Variants in NCAM1 observed in about 807,000 individuals in gnomAD.
NCAM1 encodes antigen recognized by monoclonal antibody 5.1H11.
Under a neutral mutation model 109.8 loss-of-function variants are expected in NCAM1, and 14 were observed. The observed-to-expected ratio is 0.13, with a 90% CI of 0.08 to 0.20. The LOEUF (loss-of-function observed/expected upper bound fraction) is 0.20. NCAM1 is among the 10% of genes least tolerant of loss of function. The pLI, the probability that NCAM1 is intolerant of heterozygous loss-of-function variation, is 1.00. For synonymous variants in NCAM1, 418 were observed against 442.9 expected (o/e 0.94, Z 0.70); for missense variants, 774 against 1,109.9 (o/e 0.70, Z 4.30).
chr11:113,117,374 T>A lies in NCAM1; in HGVS notation c.53-85005T>A, dbSNP rs145705808. ...TGCCTTCAGGTAAGTTACACTGTTG[T>A]TAGTGAACAACGCCTTCCCCTCTTC... On this transcript the variant is annotated intron_variant, in intron 1 of 19. Coordinates refer to ENST00000316851, the MANE Select transcript of NCAM1 (RefSeq NM_181351.5). Among the ~76,000 whole-genome samples, 110 of 152,078 alleles carry A rather than the reference T, an allele frequency of 7.2e-4. No individual in the cohort carries two copies. In the East Asian group the frequency reaches 0.02, roughly 28 times the overall value.
chr11:113,164,118 C>T (rs1223757390), intron 1 of NCAM1, among the ~76,000 whole-genome samples: 3 of 152,160 alleles, frequency 2.0e-5, no homozygotes, highest in Non-Finnish European at 4.4e-5. Flanking sequence ...GCATTTAGCG[C>T]TGTACTCTGA....
intron 1 of NCAM1, among the ~76,000 whole-genome samples, chr11:113,087,954 G>C (rs782278503): frequency 3.3e-5 from 5 of 152,156 alleles, no homozygotes; most frequent in Non-Finnish European, 7.4e-5. Flanking sequence ...CCAGTGCAGT[G>C]TTCTTTTCAG....
At chr11:113,267,098 C>T (rs1397955630) in intron 17 of NCAM1, among the ~76,000 whole-genome samples, 2 of 152,232 alleles carry the variant, frequency 1.3e-5, no homozygotes, top group Non-Finnish European at 2.9e-5. Flanking sequence ...CTAAAATCTG[C>T]CACCACCATA....
At chr11:113,096,739 G>A (rs1414803624) in intron 1 of NCAM1, among the ~76,000 whole-genome samples, 1 of 151,952 alleles carries the variant, frequency 6.6e-6, no homozygotes, top group African/African-American at 2.4e-5. Flanking sequence ...CCTGAGCCTG[G>A]GGTTCAGAGC....
At position 113,276,208 on chromosome 11, in the gene NCAM1, G is replaced by A. The variant is rs1946397461; in HGVS notation, c.*821G>A. The A allele has an allele frequency of 6.6e-6, 1 of 152,552 alleles. No homozygotes were observed. Among genetic ancestry groups the A allele is most frequent in the African/African-American group, 2.4e-5 (1 of 41,418 alleles). 9.4% of individuals were successfully genotyped at this position (152,552 alleles called of 1,614,324 possible). On this transcript the variant is annotated 3_prime_UTR_variant, in exon 20 of 20. Coordinates refer to ENST00000316851, the MANE Select transcript of NCAM1 (RefSeq NM_181351.5). Reference sequence around the variant, plus strand: ...AGGTAACAAATACCACCTAGAGGTAGGTAGGATCATCCCACGCTTGCTTTA... The same window carrying A: ...AGGTAACAAATACCACCTAGAGGTAAGTAGGATCATCCCACGCTTGCTTTA...
At chr11:112,988,928 A>G (rs1565366986) in intron 1 of NCAM1, among the ~76,000 whole-genome samples, 1 of 151,918 alleles carries the variant, frequency 6.6e-6, no homozygotes, top group Admixed American at 6.6e-5. Flanking sequence ...TTATATTTTT[A>G]GTAGAGACAG....
Position 113,208,091 on chromosome 11 carries a change from C to A in NCAM1, c.916+89C>A, listed in dbSNP as rs112819378. ...CCATCAGTAAGACCCTGGCCACTGTCCCTCAGAACATAACCCAATGCAACC... is the reference window on the plus strand; with the variant it reads ...CCATCAGTAAGACCCTGGCCACTGTACCTCAGAACATAACCCAATGCAACC... On this transcript the variant is annotated intron_variant, in intron 7 of 19. Coordinates refer to ENST00000316851, the MANE Select transcript of NCAM1 (RefSeq NM_181351.5). 3,139 of 1,408,332 alleles carry A rather than the reference C, an allele frequency of 2.2e-3. 7 individuals are homozygous for A. Among genetic ancestry groups the A allele is most frequent in the Non-Finnish European group, 2.3e-3 (2,348 of 1,035,588 alleles). The allele number at this position is 1,408,332 out of a possible 1,614,324, so 87.2% of individuals were successfully genotyped here. A position where few individuals can be genotyped will look rare whatever the true frequency, so the allele number is the denominator to read the frequency against.
At chr11:113,045,529 G>A (rs1022842520) in intron 1 of NCAM1, among the ~76,000 whole-genome samples, 13 of 152,190 alleles carry the variant, frequency 8.5e-5, no homozygotes, top group African/African-American at 3.1e-4. Flanking sequence ...CGAGCTTGCC[G>A]TGGGATCACG....
chr11:113,056,013 ATATATATATAT>A (rs1555082517), intron 1 of NCAM1, among the ~76,000 whole-genome samples: 40 of 115,542 alleles, frequency 3.5e-4, no homozygotes, highest in African/African-American at 1.2e-3. Context: ...ATATATATAT[ATATATATATAT>A]AAAATATATA....
intron 16 of NCAM1, among the ~76,000 whole-genome samples, chr11:113,259,010 G>A (rs1945904915): frequency 6.6e-6 from 1 of 151,742 alleles, no homozygotes; most frequent in African/African-American, 2.4e-5. Flanking sequence ...AGCTTTTGTA[G>A]TGCCTAGCTC....
chr11:113,251,988 T>C (rs782304607), intron 15 of NCAM1, among the ~76,000 whole-genome samples: 3 of 152,232 alleles, frequency 2.0e-5, no homozygotes, highest in African/African-American at 4.8e-5. Flanking sequence ...TTGCTGACAG[T>C]GAACACTGGA....
In NCAM1 at chr11:113,159,157, C is replaced by T. The variant is rs117126469; in HGVS notation, c.53-43222C>T. On this transcript the variant is annotated intron_variant, in intron 1 of 19. Transcript: ENST00000316851. ...CACAAGATTAATCATCTAATATCAT[C>T]GATAGCTTGTTGCAGCTTATTTGTA... Among the ~76,000 whole-genome samples, 147 of 152,114 alleles carry T rather than the reference C, an allele frequency of 9.7e-4. 4 individuals are homozygous for T. In the East Asian group the frequency reaches 0.026, roughly 27 times the overall value.
intron 1 of NCAM1, among the ~76,000 whole-genome samples, chr11:113,067,613 T>G (rs1178926272): frequency 2.0e-5 from 3 of 152,244 alleles, no homozygotes; most frequent in African/African-American, 7.2e-5. Flanking sequence ...GTGATGCAAC[T>G]AGCTCACTAG....
chr11:113,235,609 A>T (rs1384268816), intron 14 of NCAM1, among the ~76,000 whole-genome samples: 1 of 152,222 alleles, frequency 6.6e-6, no homozygotes, highest in African/African-American at 2.4e-5. Context: ...CAGAGATATT[A>T]AGTCAGAGAC....
At position 113,271,742 on chromosome 11, in the gene NCAM1, G is replaced by C. The variant is rs782119033; in HGVS notation, c.2340-18G>C. On this transcript the variant is annotated intron_variant, in intron 18 of 19. Coordinates refer to ENST00000316851, the MANE Select transcript of NCAM1 (RefSeq NM_181351.5). ...CTGCAGCTGCCCTAGGGTCTAACCAGCAGTACTGTCTCCACAGGAAAGATG... is the reference window on the plus strand; with the variant it reads ...CTGCAGCTGCCCTAGGGTCTAACCACCAGTACTGTCTCCACAGGAAAGATG... 6.5e-7 allele frequency: 1 copy of C among 1,545,322 alleles called. No homozygotes were observed.
intron 1 of NCAM1, among the ~76,000 whole-genome samples, chr11:113,034,664 A>G (rs1952813115): frequency 6.6e-6 from 1 of 152,162 alleles, no homozygotes; most frequent in Non-Finnish European, 1.5e-5. Flanking sequence ...GTAGGATCGT[A>G]CAGAAGATGA....
chr11:113,042,844 A>T (rs1555080175), intron 1 of NCAM1, among the ~76,000 whole-genome samples: 1 of 152,032 alleles, frequency 6.6e-6, no homozygotes, highest in Non-Finnish European at 1.5e-5. Context: ...TGTTAGATTC[A>T]TCTTCATAAA....
chr11:113,185,757 G>A (rs1027920530), intron 1 of NCAM1, among the ~76,000 whole-genome samples: 9 of 152,144 alleles, frequency 5.9e-5, no homozygotes, highest in Admixed American at 2.6e-4. Context: ...TTTGCAATTC[G>A]TCAGTTATCC....
chr11:113,140,900 A>AT (rs11440112), intron 1 of NCAM1, among the ~76,000 whole-genome samples: 18,668 of 151,798 alleles, frequency 0.12, 1,267 homozygotes, highest in East Asian at 0.26. Flanking sequence ...TGAGGATTTC[A>AT]TTTTTTTTGT....
Sources: allele counts gnomAD v4.1 joint callset (sites outside exome capture counted in the v4.1 genomes callset), GRCh38; gene constraint gnomAD v4.1.1; transcripts MANE v1.5; gene names NCBI Gene and HGNC (gene_info 2026-07-23, HGNC 2026-07-21).